Variants in CPSF4L observed in about 807,000 individuals in gnomAD.
CPSF4L encodes cleavage and polyadenylation specific factor 4 like, also known as putative cleavage and polyadenylation specificity factor subunit 4-like protein.
Under a neutral mutation model 24.0 loss-of-function variants are expected in CPSF4L, and 18 were observed. That is an observed-to-expected ratio of 0.75 (90% CI 0.52 to 1.11). The LOEUF (loss-of-function observed/expected upper bound fraction) is 1.11. CPSF4L is among the 50% of genes least tolerant of loss of function. CPSF4L has a pLI of 0.00. For synonymous variants in CPSF4L, 72 were observed against 77.2 expected (o/e 0.93, Z 0.35); for missense variants, 211 against 221.8 (o/e 0.95, Z 0.31).
chr17:73,250,312 A>T (rs762089869), intron 5 of CPSF4L: 15 of 1,550,520 alleles, frequency 9.7e-6, no homozygotes, highest in Non-Finnish European at 1.3e-5. Flanking sequence ...ACACAAAAAC[A>T]GAAAAAGTGA....
chr17:73,245,821 T>C, downstream of CPSF4L: 4 of 683,772 alleles, frequency 5.8e-6, no homozygotes, highest in Non-Finnish European at 7.2e-6. Flanking sequence ...TACATCTTAA[T>C]TGAGTATAAT....
At chr17:73,247,264 T>G (rs1329809576), downstream of CPSF4L, 5 of 1,614,230 alleles carry the variant, frequency 3.1e-6, no homozygotes, top group South Asian at 1.1e-5. Flanking sequence ...ACCCCTGCCC[T>G]GGAAGAGCAC....
chr17:73,243,093 T>TTTTTGGTTTTTTTTTG, the CPSF4L span: 3 of 991,220 alleles, frequency 3.0e-6, no homozygotes, highest in African/African-American at 5.1e-5. Flanking sequence ...TTTTTTTTTT[T>TTTTTGGTTTTTTTTTG]TTTTTTTTAC....
At chr17:73,261,090 T>A in intron 1 of CPSF4L, 107 bp from the exon 2 acceptor site, 1 of 894,546 alleles carries the variant, frequency 1.1e-6, no homozygotes, top group Non-Finnish European at 1.7e-6. Context: ...CCCCAGGCTC[T>A]GGCCTATGGG....
chr17:73,258,585 A>G (rs2145282209), intron 2 of CPSF4L, among the ~76,000 whole-genome samples: 1 of 152,216 alleles, frequency 6.6e-6, no homozygotes, highest in Non-Finnish European at 1.5e-5. Context: ...TACAGGCTTG[A>G]GCCACCGTGA....
chr17:73,247,070 C>T (rs937858569), downstream of CPSF4L, among the ~76,000 whole-genome samples: 4 of 152,208 alleles, frequency 2.6e-5, no homozygotes, highest in Non-Finnish European at 4.4e-5. Flanking sequence ...CGGACCAAAG[C>T]CAGCCCACTG....
downstream of CPSF4L, among the ~76,000 whole-genome samples, chr17:73,246,367 CA>C (rs375109385): frequency 6.7e-5 from 10 of 149,442 alleles, no homozygotes; most frequent in East Asian, 3.9e-4. Context: ...TCCATCTCTA[CA>C]AAAAAAAAAT....
intron 5 of CPSF4L, 75 bp downstream of exon 5, chr17:73,252,555 G>A (rs142091868): frequency 2.3e-6 from 2 of 885,868 alleles, no homozygotes; most frequent in Non-Finnish European, 3.7e-6. Context: ...ACCAGCGAAG[G>A]TATGGAAAGA....
intron 5 of CPSF4L, among the ~76,000 whole-genome samples, chr17:73,249,313 T>A (rs1467068601): frequency 6.6e-6 from 1 of 152,146 alleles, no homozygotes; most frequent in African/African-American, 2.4e-5. Flanking sequence ...CATGCAAGGT[T>A]TTTTACATGT....
intron 3 of CPSF4L, 35 bp from the exon 4 acceptor site, chr17:73,254,061 C>G: frequency 6.7e-7 from 1 of 1,497,756 alleles, no homozygotes; most frequent in Non-Finnish European, 9.1e-7. Flanking sequence ...GAAGCAGTTT[C>G]TCTTTGTGAT....
chr17:73,243,000 CTGAG>C, the CPSF4L span: 4 of 1,610,338 alleles, frequency 2.5e-6, no homozygotes, highest in Non-Finnish European at 3.4e-6. Flanking sequence ...TTTCAGACGT[CTGAG>C]TAAGTCTTTC....
chr17:73,250,999 C>G (rs2062003610), intron 5 of CPSF4L: 2 of 1,547,022 alleles, frequency 1.3e-6, no homozygotes, highest in South Asian at 1.2e-5. Context: ...TGCCCTTGAC[C>G]CCTGATCCCC....
At chr17:73,256,594 A>G (rs1291144345) in intron 3 of CPSF4L, among the ~76,000 whole-genome samples, 4 of 152,352 alleles carry the variant, frequency 2.6e-5, no homozygotes, top group African/African-American at 9.6e-5. Context: ...GATAATCCGT[A>G]AGGCTCCTTC....
At chr17:73,258,371 T>G (rs1223451017) in intron 2 of CPSF4L, among the ~76,000 whole-genome samples, 1 of 152,040 alleles carries the variant, frequency 6.6e-6, no homozygotes, top group Non-Finnish European at 1.5e-5. Flanking sequence ...AATGGCACGG[T>G]CTCAGCTCAC....
intron 5 of CPSF4L, chr17:73,250,433 A>G: frequency 8.1e-7 from 1 of 1,234,126 alleles, no homozygotes; most frequent in Non-Finnish European, 1.1e-6. Context: ...GGTGAAGCTT[A>G]TTTCAGGCAT....
At chr17:73,245,826 T>A, downstream of CPSF4L, 1 of 647,908 alleles carries the variant, frequency 1.5e-6, no homozygotes, top group Non-Finnish European at 1.9e-6. Context: ...CTTAATTGAG[T>A]ATAATAATGA....
chr17:73,257,797 T>TTCTCC lies in CPSF4L; in HGVS notation c.186_190dup (p.Lys64ArgfsTer54). 1.9e-6 allele frequency: 3 copies of TTCTCC among 1,551,604 alleles called. No homozygotes were observed. Among genetic ancestry groups the TTCTCC allele is most frequent in the Non-Finnish European group, 1.7e-6 (2 of 1,146,982 alleles). On this transcript the variant is annotated frameshift_variant, in exon 3 of 6. Coordinates refer to ENST00000344935, the MANE Select transcript of CPSF4L (RefSeq NM_001129885.1). LOFTEE classifies it high-confidence loss of function. ...GAGCCAGTGCTTGCATACCACCATC[T>TTCTCC]TCTCCCCTCGGTCATGTCGGAAGGG...
chr17:73,253,906 G>GAA, intron 4 of CPSF4L, 25 bp downstream of exon 4: 5 of 1,511,660 alleles, frequency 3.3e-6, no homozygotes, highest in Non-Finnish European at 3.6e-6. Flanking sequence ...CAGCCCCTAG[G>GAA]GCTCCCTGGC....
chr17:73,262,719 C>A (rs1371525718), upstream of CPSF4L, among the ~76,000 whole-genome samples: 1 of 152,248 alleles, frequency 6.6e-6, no homozygotes, highest in East Asian at 1.9e-4. Context: ...GCTCTGGCCC[C>A]AAACTGGCCT....
Sources: allele counts gnomAD v4.1 joint callset (sites outside exome capture counted in the v4.1 genomes callset), GRCh38; gene constraint gnomAD v4.1.1; transcripts MANE v1.5; gene names NCBI Gene and HGNC (gene_info 2026-07-23, HGNC 2026-07-21).